The following HORMAD1 variants were observed in gnomAD, a reference collection of about 807,000 sequenced individuals.
HORMAD1 encodes HORMA domain-containing protein 1.
A neutral mutation model predicts 58.2 loss-of-function variants in HORMAD1; 33 were observed. The ratio of observed to expected loss-of-function variants is 0.57; its 90% CI spans 0.43 to 0.76. The LOEUF (loss-of-function observed/expected upper bound fraction) is 0.76, where lower values mean the gene tolerates loss of function less well. HORMAD1 is among the 30% of genes least tolerant of loss of function. The probability of loss-of-function intolerance (pLI) is 0.00; values close to 1 mark genes in which losing one functional copy is unlikely to be tolerated. For missense variants in HORMAD1, 363 were observed against 462.0 expected (o/e 0.79, Z 1.96); for synonymous variants, 137 against 144.6 (o/e 0.95, Z 0.38).
At chr1:150,714,839 G>A (rs587659902) in intron 3 of HORMAD1, among the ~76,000 whole-genome samples, 161 bp from the exon 4 acceptor site, 1 of 152,134 alleles carries the variant, frequency 6.6e-6, no homozygotes, top group South Asian at 2.1e-4. Flanking sequence ...AGGATGGAGT[G>A]CGGTGACATG....
Position 150,711,406 on chromosome 1 carries a change from G to T in HORMAD1, c.327+139C>A, listed in dbSNP as rs1651898038. 6 of 672,238 alleles carry T rather than the reference G, an allele frequency of 8.9e-6. No homozygotes were observed. The South Asian group carries it at 1.3e-4, about 14-fold the overall frequency. 41.6% of individuals were successfully genotyped at this position (672,238 alleles called of 1,614,324 possible). A position where few individuals can be genotyped will look rare whatever the true frequency, so the allele number is the denominator to read the frequency against. The stretch of plus-strand genomic sequence containing the variant: ...CTGCCTTACCTCAGAAGAGTTTTAT[G>T]AAGCTCAAATGTGAAAATATATATG... On this transcript the variant is annotated intron_variant, in intron 7 of 14. Transcript: ENST00000361824.
chr1:150,717,447 G>T (rs2101890156), intron 2 of HORMAD1, 165 bp from the exon 3 acceptor site: 1 of 412,450 alleles, frequency 2.4e-6, no homozygotes, highest in East Asian at 3.7e-5. Flanking sequence ...TGTAAAATGT[G>T]AGGGTATTTC....
At chr1:150,700,562 A>G (rs1651506808) in intron 13 of HORMAD1, among the ~76,000 whole-genome samples, 1 of 152,200 alleles carries the variant, frequency 6.6e-6, no homozygotes, top group South Asian at 2.1e-4. Flanking sequence ...TTGTACAACC[A>G]TCACTACAAT....
At chr1:150,701,270 T>C (rs1219261293) in intron 13 of HORMAD1, among the ~76,000 whole-genome samples, 1 of 152,196 alleles carries the variant, frequency 6.6e-6, no homozygotes, top group Non-Finnish European at 1.5e-5. Flanking sequence ...TCATCCTACA[T>C]ATAAACTGGC....
At chr1:150,704,970 G>C (rs1026421737) in intron 10 of HORMAD1, among the ~76,000 whole-genome samples, 2 of 151,866 alleles carry the variant, frequency 1.3e-5, no homozygotes, top group Admixed American at 1.3e-4. Flanking sequence ...TTGAACCCAG[G>C]AGGCTAGAGG....
Position 150,703,394 on chromosome 1 carries a change from CT to C in HORMAD1, c.949-2del. Reference sequence around the variant, plus strand: ...ATGTTTTATTGACTAACTGCTCAACCTAAAAAAGAAAATAATTACAAAAAAT... The same window carrying C: ...ATGTTTTATTGACTAACTGCTCAACCAAAAAAGAAAATAATTACAAAAAAT... On this transcript the variant is annotated splice_acceptor_variant, in intron 12 of 14. Coordinates refer to ENST00000361824, the MANE Select transcript of HORMAD1 (RefSeq NM_032132.5). LOFTEE classifies it high-confidence loss of function. The C allele has an allele frequency of 6.6e-7, 1 of 1,506,132 alleles. No individual in the cohort carries two copies. The highest frequency in any genetic ancestry group is 9.1e-7 in the Non-Finnish European group (1 of 1,100,676). 93.3% of individuals were successfully genotyped at this position (1,506,132 alleles called of 1,614,324 possible).
intron 12 of HORMAD1, among the ~76,000 whole-genome samples, chr1:150,703,651 AATTTAGTCTACTT>A (rs1262450105): frequency 6.6e-6 from 1 of 152,218 alleles, no homozygotes; most frequent in Non-Finnish European, 1.5e-5. Flanking sequence ...GAAGACAAGA[AATTTAGTCTACTT>A]ATTTGAGAAA....
intron 12 of HORMAD1, 87 bp downstream of exon 12, chr1:150,704,031 T>C: frequency 1.2e-6 from 1 of 812,408 alleles, no homozygotes; most frequent in Non-Finnish European, 1.9e-6. Flanking sequence ...AGACCTGGAA[T>C]AAGAAAATCT....
At chr1:150,720,730 G>T (rs1174928533) in intron 1 of HORMAD1, 74 bp downstream of exon 1, 1 of 152,226 alleles carries the variant, frequency 6.6e-6, no homozygotes, top group Non-Finnish European at 1.5e-5. Flanking sequence ...GTAGGGGGAA[G>T]CTGACAGACA....
In HORMAD1 at chr1:150,700,160, T is replaced by C; in HGVS notation, c.1056A>G (p.Lys352=). The C allele has an allele frequency of 6.3e-7, 1 of 1,582,076 alleles. No homozygotes were observed. The highest frequency in any genetic ancestry group is 8.7e-7 in the Non-Finnish European group (1 of 1,151,522). Residue 352 remains lysine, a synonymous_variant, in exon 14 of 15, where the codon AAA becomes AAG. Transcript: ENST00000361824. The part of the protein sequence containing the change: ...NKMANGNQPV[K]SSKENRKRSQ... Reference sequence around the variant, plus strand: ...TTCTCTTCCGATTTTCTTTGGAAGATTTTACTGGTTGATTTCCATTTGCCT... The same window carrying C: ...TTCTCTTCCGATTTTCTTTGGAAGACTTTACTGGTTGATTTCCATTTGCCT...
chr1:150,719,560 T>C, intron 1 of HORMAD1, 22 bp from the exon 2 acceptor site: 1 of 1,292,018 alleles, frequency 7.7e-7, no homozygotes, highest in Non-Finnish European at 1.1e-6. Flanking sequence ...AATACAAGCT[T>C]TAACTTAGAG....
At chr1:150,706,867 T>G in intron 9 of HORMAD1, 58 bp from the exon 10 acceptor site, 2 of 1,403,526 alleles carry the variant, frequency 1.4e-6, no homozygotes, top group Non-Finnish European at 1.9e-6. Flanking sequence ...ATATAATTAT[T>G]ATTATAAAAA....
rs749843108 is a variant in HORMAD1 at position 150,711,084 on chromosome 1, C to T, written c.327+461G>A. 3.3e-5 allele frequency among the ~76,000 whole-genome samples: 5 copies of T among 152,282 alleles called. No homozygotes were observed. The East Asian group carries it at 7.7e-4, about 23-fold the overall frequency. ...AAGTAAGCACTCAGTAGATCTTTCCCCCTTGTTTCTTATCTTCTGGTTTTC... is the reference window on the plus strand; with the variant it reads ...AAGTAAGCACTCAGTAGATCTTTCCTCCTTGTTTCTTATCTTCTGGTTTTC... On this transcript the variant is annotated intron_variant, in intron 7 of 14. Transcript: ENST00000361824.
intron 5 of HORMAD1, 123 bp downstream of exon 5, chr1:150,713,962 A>G (rs200543089): frequency 1.6e-4 from 108 of 683,342 alleles, no homozygotes; most frequent in Non-Finnish European, 2.9e-5. Context: ...TAGGCTTTTC[A>G]GTAATTCAGA....
At chr1:150,704,887 A>G (rs1383344717) in intron 10 of HORMAD1, among the ~76,000 whole-genome samples, 2 of 152,002 alleles carry the variant, frequency 1.3e-5, no homozygotes, top group Non-Finnish European at 2.9e-5. Context: ...TACTAAAAAT[A>G]CAAAAATTAG....
Position 150,717,286 on chromosome 1 carries a change from A to G in HORMAD1, c.34-4T>C. The G allele has an allele frequency of 6.6e-7, 1 of 1,514,096 alleles. No individual in the cohort carries two copies. Among genetic ancestry groups the G allele is most frequent in the Non-Finnish European group, 8.9e-7 (1 of 1,127,758 alleles). The allele number at this position is 1,514,096 out of a possible 1,614,324, so 93.8% of individuals were successfully genotyped here. ...TATTGGGAAATACCAGTGCACTCTAAAATTCAAGGGAAAGTAGAACACTTT... is the reference window on the plus strand; with the variant it reads ...TATTGGGAAATACCAGTGCACTCTAGAATTCAAGGGAAAGTAGAACACTTT... On this transcript the variant is annotated splice_region_variant and splice_polypyrimidine_tract_variant and intron_variant, in intron 2 of 14. Transcript: ENST00000361824.
chr1:150,703,285 A>C, intron 13 of HORMAD1, 25 bp downstream of exon 13: 1 of 1,263,888 alleles, frequency 7.9e-7, no homozygotes, highest in South Asian at 1.3e-5. Context: ...GTTACAATGG[A>C]AAACAAACCT....
chr1:150,704,161 A>G lies in HORMAD1; in HGVS notation c.905T>C (p.Met302Thr). 7.5e-6 allele frequency: 12 copies of G among 1,595,382 alleles called. No individual in the cohort carries two copies. The highest frequency in any genetic ancestry group is 1.0e-5 in the Non-Finnish European group (12 of 1,171,908). Residue 302 changes from methionine (M) to threonine (T), a missense_variant, in exon 12 of 15, where the codon ATG (methionine) becomes ACG (threonine). Met to Thr is a moderately conservative substitution (Grantham distance 81, BLOSUM62 -1). Transcript: ENST00000361824. The stretch of plus-strand genomic sequence containing the variant: ...AAGATCTGGACTTTCTTTAGACCTC[A>G]TAATTTCATCTTCCTCACAAACTAA... ...PSLVCEEDEI[M>T]RSKESPDLSI...
rs149020192 is a variant in HORMAD1, at chr1:150,706,554, C to T, written c.803G>A (p.Ser268Asn). Residue 268 changes from serine to asparagine, a missense_variant and splice_region_variant, in exon 10 of 15, where the codon AGT (serine) becomes AAT (asparagine). By Grantham distance (46) the Ser-to-Asn change is conservative. This residue lies in a region of HORMAD1 where 226 missense variants were observed against 257.8 expected (regional missense o/e 0.88). Transcript: ENST00000361824. ...TTATAACTCTTGAAATACACTTACA[C>T]TTGTATAATGCTCCTGTTCATCTTC... ...DVEDEQEHYT[S>N]DDLDIETKME... The T allele has an allele frequency of 7.0e-4, 1,117 of 1,601,210 alleles. 10 individuals carry two copies. The Middle Eastern group carries it at 1.0e-2, about 14-fold the overall frequency.
Sources: allele counts gnomAD v4.1 joint callset (sites outside exome capture counted in the v4.1 genomes callset), GRCh38; gene constraint gnomAD v4.1.1; regional missense constraint gnomAD v4.1.1; transcripts MANE v1.5; gene names NCBI Gene and HGNC (gene_info 2026-07-23, HGNC 2026-07-21).